KLRG1: variants seen among roughly 807,000 people sequenced by gnomAD.
KLRG1 encodes the protein killer cell lectin like receptor G1, also known as killer cell lectin-like receptor subfamily G member 1.
KLRG1 carries 16 observed loss-of-function variants against 21.8 expected under a neutral mutation model. The observed-to-expected ratio is 0.73, with a 90% CI of 0.50 to 1.11. KLRG1 has a LOEUF of 1.11. KLRG1 is among the 50% of genes most tolerant of loss of function. KLRG1 has a pLI of 0.00. For synonymous variants in KLRG1, 69 were observed against 75.9 expected (o/e 0.91, Z 0.47); for missense variants, 173 against 218.3 (o/e 0.79, Z 1.31).
Position 9,009,687 on chromosome 12 carries a change from G to A in KLRG1, c.*150G>A. The A allele has an allele frequency of 7.0e-7, 1 of 1,432,594 alleles. No homozygotes were observed. Among genetic ancestry groups the A allele is most frequent in the Admixed American group, 2.9e-5 (1 of 34,750 alleles). 88.7% of individuals were successfully genotyped at this position (1,432,594 alleles called of 1,614,324 possible). A position where few individuals can be genotyped will look rare whatever the true frequency, so the allele number is the denominator to read the frequency against. ...CATTAGATGCAAGACAACCTCCTAG[G>A]GATTGATGCCTAACTGATGGATTCT... On this transcript the variant is annotated 3_prime_UTR_variant, in exon 5 of 5. Coordinates refer to ENST00000356986, the MANE Select transcript of KLRG1 (RefSeq NM_005810.4).
At chr12:8,969,310 G>A (rs1333452963) in intron 1 of KLRG1, among the ~76,000 whole-genome samples, 9 of 152,212 alleles carry the variant, frequency 5.9e-5, no homozygotes, top group Non-Finnish European at 8.8e-5. Flanking sequence ...CCAGTACAGC[G>A]TGGTACTCAC....
chr12:9,049,084 C>G, the KLRG1 span, among the ~76,000 whole-genome samples: 6 of 152,194 alleles, frequency 3.9e-5, no homozygotes, highest in East Asian at 3.9e-4. Context: ...TAAAATGATT[C>G]TTTTAGTCTG....
chr12:8,968,457 A>G (rs895567547), intron 1 of KLRG1, among the ~76,000 whole-genome samples: 1 of 152,240 alleles, frequency 6.6e-6, no homozygotes, highest in African/African-American at 2.4e-5. Flanking sequence ...ACCTAATAAC[A>G]TAGCTTCAAA....
intron 1 of KLRG1, among the ~76,000 whole-genome samples, chr12:8,967,585 G>T (rs1441750008): frequency 4.8e-5 from 3 of 63,114 alleles, no homozygotes; most frequent in South Asian, 1.4e-3. Flanking sequence ...AGCCAGGCGT[G>T]GTGGTGCATG....
the KLRG1 span, among the ~76,000 whole-genome samples, chr12:9,155,623 A>G: frequency 0.011 from 1,606 of 152,280 alleles, 30 homozygotes; most frequent in African/African-American, 0.036. Flanking sequence ...AGAACACTAC[A>G]AGATAGATTG....
chr12:9,079,282 G>A, the KLRG1 span: 33 of 1,613,588 alleles, frequency 2.0e-5, no homozygotes, highest in Admixed American at 3.3e-5. Context: ...GCTCCCCAAA[G>A]GTGCTGTAGG....
At chr12:9,116,942 A>G in the KLRG1 span, among the ~76,000 whole-genome samples, 1 of 152,168 alleles carries the variant, frequency 6.6e-6, no homozygotes, top group Non-Finnish European at 1.5e-5. Flanking sequence ...GTAGCCAAAC[A>G]TATTATTGCA....
At chr12:9,158,524 T>G in the KLRG1 span, 1 of 1,614,112 alleles carries the variant, frequency 6.2e-7, no homozygotes, top group Non-Finnish European at 8.5e-7. Flanking sequence ...GCTTCATCAA[T>G]GAAGATGTAG....
intron 1 of KLRG1, among the ~76,000 whole-genome samples, chr12:8,982,192 A>G (rs1159276803): frequency 6.6e-6 from 1 of 152,208 alleles, no homozygotes; most frequent in Non-Finnish European, 1.5e-5. Flanking sequence ...CGTGGGTTCA[A>G]GGTAATTATG....
the KLRG1 span, among the ~76,000 whole-genome samples, chr12:9,215,173 G>A: frequency 2.2e-4 from 34 of 151,854 alleles, no homozygotes; most frequent in Non-Finnish European, 4.4e-4. Flanking sequence ...GCTTGCTGAA[G>A]GCATCTGGAA....
intron 4 of KLRG1, 61 bp from the exon 5 acceptor site, chr12:9,009,365 C>T: frequency 1.9e-6 from 3 of 1,595,224 alleles, no homozygotes; most frequent in South Asian, 1.1e-5. Flanking sequence ...TCCCTTCATG[C>T]CTTTCAACTC....
the KLRG1 span, chr12:9,079,182 AG>A: frequency 8.1e-7 from 1 of 1,238,308 alleles, no homozygotes; most frequent in Non-Finnish European, 1.2e-6. Context: ...AATATAATTG[AG>A]GTAATACATG....
At chr12:9,047,115 A>G in the KLRG1 span, among the ~76,000 whole-genome samples, 1 of 152,250 alleles carries the variant, frequency 6.6e-6, no homozygotes, top group African/African-American at 2.4e-5. Context: ...AGGCCTCCCA[A>G]AGCATTGGGA....
At chr12:9,161,330 G>A in the KLRG1 span, among the ~76,000 whole-genome samples, 1 of 152,198 alleles carries the variant, frequency 6.6e-6, no homozygotes, top group South Asian at 2.1e-4. Flanking sequence ...ACGAATGTGA[G>A]CAATTGTTAT....
At chr12:9,114,639 T>C in the KLRG1 span, among the ~76,000 whole-genome samples, 7 of 152,058 alleles carry the variant, frequency 4.6e-5, no homozygotes, top group Non-Finnish European at 1.0e-4. Context: ...CAAAAAATGT[T>C]GTGAATTATT....
At chr12:8,959,017 C>A (rs543128046) in intron 1 of KLRG1, among the ~76,000 whole-genome samples, 3 of 152,302 alleles carry the variant, frequency 2.0e-5, no homozygotes, top group Admixed American at 2.0e-4. Flanking sequence ...ATATGGTTGA[C>A]TCCATCTTGC....
the KLRG1 span, among the ~76,000 whole-genome samples, chr12:9,043,468 G>A: frequency 6.6e-6 from 1 of 152,172 alleles, no homozygotes; most frequent in Admixed American, 6.5e-5. Context: ...TTCACCCAAA[G>A]GACTCCATTC....
the KLRG1 span, chr12:9,098,528 C>G: frequency 8.2e-6 from 12 of 1,471,522 alleles, no homozygotes; most frequent in South Asian, 1.4e-4. Flanking sequence ...TTGATCTTAT[C>G]CTACTTATCC....
the KLRG1 span, chr12:9,192,124 G>A: frequency 1.5e-6 from 2 of 1,322,932 alleles, no homozygotes; most frequent in Non-Finnish European, 2.2e-6. Flanking sequence ...TCCCATTTAT[G>A]AACTGTCACC....
Sources: allele counts gnomAD v4.1 joint callset (sites outside exome capture counted in the v4.1 genomes callset), GRCh38; gene constraint gnomAD v4.1.1; transcripts MANE v1.5; gene names NCBI Gene and HGNC (gene_info 2026-07-23, HGNC 2026-07-21).